Variants in CES4A observed in about 807,000 individuals in gnomAD.
CES4A encodes the protein carboxylesterase 6.
A neutral mutation model predicts 65.4 loss-of-function variants in CES4A; 48 were observed. The ratio of observed to expected loss-of-function variants is 0.73; its 90% CI spans 0.58 to 0.93. CES4A has a LOEUF of 0.93. Among genes scored for constraint, CES4A ranks in the 40% least tolerant of loss-of-function variants. The probability of loss-of-function intolerance (pLI) is 0.00; values close to 1 mark genes in which losing one functional copy is unlikely to be tolerated. For synonymous variants in CES4A, 247 were observed against 281.8 expected (o/e 0.88, Z 1.24); for missense variants, 685 against 728.5 (o/e 0.94, Z 0.69).
rs766654238 is a variant in CES4A at position 67,003,699 on chromosome 16, A to C, written c.939+146A>C. ...GTGGGGAAGGAGAATAAACCCTATAAATAAATATATTATCCACCTCCTTAG... is the reference window on the plus strand; with the variant it reads ...GTGGGGAAGGAGAATAAACCCTATACATAAATATATTATCCACCTCCTTAG... On this transcript the variant is annotated intron_variant, in intron 8 of 13. Transcript: ENST00000648724. The surrounding 1 kb of genome is among the most constrained non-coding windows in gnomAD (Gnocchi z 4.2). 46 of 699,444 alleles carry C rather than the reference A, an allele frequency of 6.6e-5. No individual in the cohort carries two copies. Among genetic ancestry groups the C allele is most frequent in the Non-Finnish European group, 9.9e-5 (39 of 395,154 alleles). The allele number at this position is 699,444 out of a possible 1,614,324, so 43.3% of individuals were successfully genotyped here.
intron 9 of CES4A, among the ~76,000 whole-genome samples, chr16:67,004,485 T>C (rs1406245052): frequency 6.6e-6 from 1 of 152,198 alleles, no homozygotes; most frequent in African/African-American, 2.4e-5. Context: ...AGATGGGTTA[T>C]GATGTTCATT....
rs112939456 is a variant in CES4A at position 66,995,355 on chromosome 16, G to A, written c.59-273G>A. On this transcript the variant is annotated intron_variant, in intron 1 of 13. Coordinates refer to ENST00000648724, the Ensembl canonical transcript of CES4A. ...AATAAATAAATATAAATAAATAAAC[G>A]AAACGTTAAAGGAGAGAAAAAATTC... 6.7e-3 allele frequency among the ~76,000 whole-genome samples: 1,025 copies of A among 151,862 alleles called. 2 individuals are homozygous for A. The highest frequency in any genetic ancestry group is 9.8e-3 in the Non-Finnish European group (663 of 67,932).
chr16:67,008,707 C>T, intron 13 of CES4A: 1 of 383,218 alleles, frequency 2.6e-6, no homozygotes, highest in Non-Finnish European at 4.8e-6. Context: ...GCCACACACA[C>T]ACTCTGTTTT....
chr16:66,997,304 C>T (rs1368943709), intron 2 of CES4A, among the ~76,000 whole-genome samples: 1 of 152,118 alleles, frequency 6.6e-6, no homozygotes, highest in Non-Finnish European at 1.5e-5. Context: ...GTCTGGGCAT[C>T]AGTTGTTAGA....
Position 66,992,769 on chromosome 16 carries a change from G to A in CES4A, c.59-2859G>A, listed in dbSNP as rs539394656. Among the ~76,000 whole-genome samples the A allele has an allele frequency of 3.3e-5, 5 of 152,164 alleles. No homozygotes were observed. In the East Asian group the frequency reaches 7.7e-4, roughly 24 times the overall value. ...CTCTGCTCACCGCAACCTCCTCCTCGCGGGTTCAAGAGATTCTCCTACCTC... is the reference window on the plus strand; with the variant it reads ...CTCTGCTCACCGCAACCTCCTCCTCACGGGTTCAAGAGATTCTCCTACCTC... On this transcript the variant is annotated intron_variant, in intron 1 of 13. Coordinates refer to ENST00000648724, the Ensembl canonical transcript of CES4A.
chr16:67,001,235 AG>A lies in CES4A; in HGVS notation c.537-72del. On this transcript the variant is annotated intron_variant, in intron 4 of 13. Coordinates refer to ENST00000648724, the Ensembl canonical transcript of CES4A. This position sits in a 1 kb window ranked among gnomAD's most constrained non-coding sequence, Gnocchi z 4.1. ...GGGCAAGGCTGGGCTGGGTGGGGGA[AG>A]CCCAGGAGGGCAGCCCAACGCGCCC... is the stretch of plus-strand genomic sequence containing the variant. The A allele has an allele frequency of 6.8e-7, 1 of 1,478,934 alleles. No homozygotes were observed. The highest frequency in any genetic ancestry group is 2.4e-5 in the East Asian group (1 of 41,620). The allele number at this position is 1,478,934 out of a possible 1,614,324, so 91.6% of individuals were successfully genotyped here.
chr16:66,992,898 C>T (rs1964502297), intron 1 of CES4A, among the ~76,000 whole-genome samples: 1 of 152,092 alleles, frequency 6.6e-6, no homozygotes. Context: ...GTTGGCCAGA[C>T]TGGTCTTGAA....
At chr16:66,995,629 T>C (rs1964781169) in exon 2 of CES4A, 1 of 1,613,790 alleles carries the variant, frequency 6.2e-7, no homozygotes, top group African/African-American at 1.3e-5. Flanking sequence ...TCTTCCCAGG[T>C]GCCTTGCACA....
rs573165595 is a variant in CES4A at position 67,000,955 on chromosome 16, T to A, written c.501T>A (p.Phe167Leu). 71 of 1,613,340 alleles carry A rather than the reference T, an allele frequency of 4.4e-5. 2 individuals carry two copies. In the South Asian group the frequency reaches 6.2e-4, roughly 14 times the overall value. The change falls in exon 4 of 14, where the codon TTT becomes TTA. Residue 167 changes from phenylalanine (F) to leucine (L), a missense_variant. Physicochemically the swap from Phe to Leu is conservative, Grantham distance 22 (BLOSUM62 0). Coordinates refer to ENST00000648724, the Ensembl canonical transcript of CES4A. The surrounding 1 kb of genome is among the most constrained non-coding windows in gnomAD (Gnocchi z 4.2). ...CCCGCGAGAAAGTGGTGCTGGTGTT[T>A]CTGCAGCACAGGCTCGGCATCTTCG...
intron 5 of CES4A, among the ~76,000 whole-genome samples, chr16:67,002,573 G>A (rs994801074): frequency 6.6e-6 from 1 of 152,102 alleles, no homozygotes; most frequent in African/African-American, 2.4e-5. Flanking sequence ...AAGGCCCCTG[G>A]GGCTGGGGGA....
chr16:66,997,079 A>G (rs1256876101), intron 2 of CES4A, among the ~76,000 whole-genome samples: 1 of 151,908 alleles, frequency 6.6e-6, no homozygotes, highest in African/African-American at 2.4e-5. Flanking sequence ...AAAAAAATAA[A>G]AGCAGGTTGT....
Position 67,000,495 on chromosome 16 carries a change from G to C in CES4A, c.261-143G>C. 6.9e-7 allele frequency: 1 copy of C among 1,439,104 alleles called. No homozygotes were observed. The highest frequency in any genetic ancestry group is 9.1e-7 in the Non-Finnish European group (1 of 1,097,578). 89.1% of individuals were successfully genotyped at this position (1,439,104 alleles called of 1,614,324 possible). A position where few individuals can be genotyped will look rare whatever the true frequency, so the allele number is the denominator to read the frequency against. ...GCCCCGGGGCTGGCGGAGGCCTCCT[G>C]TACACGCACACGCACGCACATGCGC... On this transcript the variant is annotated intron_variant, in intron 2 of 13. Coordinates refer to ENST00000648724, the Ensembl canonical transcript of CES4A. This position sits in a 1 kb window ranked among gnomAD's most constrained non-coding sequence, Gnocchi z 4.2.
chr16:67,009,347 G>A (rs529090115), exon 14 of CES4A: 2 of 529,664 alleles, frequency 3.8e-6, no homozygotes, highest in Admixed American at 3.6e-5. Context: ...GACATCCCAT[G>A]ATGCCCCTCT....
chr16:67,009,237 T>G, exon 14 of CES4A: 2 of 1,259,254 alleles, frequency 1.6e-6, no homozygotes, highest in South Asian at 1.5e-5. Context: ...ACAAGAGTTC[T>G]ACCCACCCCA....
At chr16:66,992,237 G>A (rs1346129752) in intron 1 of CES4A, among the ~76,000 whole-genome samples, 1 of 152,258 alleles carries the variant, frequency 6.6e-6, no homozygotes, top group Non-Finnish European at 1.5e-5. Context: ...TGCAAAGGCT[G>A]CACAAACGGG....
chr16:67,004,551 G>T (rs917612566), intron 9 of CES4A, among the ~76,000 whole-genome samples: 1 of 152,194 alleles, frequency 6.6e-6, no homozygotes, highest in Admixed American at 6.5e-5. Context: ...CTGGGTCAGG[G>T]TAGATGCCCC....
intron 1 of CES4A, 32 bp from the exon 2 acceptor site, chr16:66,995,596 G>C: frequency 3.1e-6 from 5 of 1,591,362 alleles, no homozygotes; most frequent in Non-Finnish European, 4.3e-6. Context: ...GGGTGACTGA[G>C]CAGAGGTGAC....
At position 67,000,657 on chromosome 16, in the gene CES4A, G is replaced by A. The variant is rs981683017; in HGVS notation, c.280G>A (p.Gly94Ser). 2 of 1,548,986 alleles carry A rather than the reference G, an allele frequency of 1.3e-6. No homozygotes were observed. The highest frequency in any genetic ancestry group is 1.7e-6 in the Non-Finnish European group (2 of 1,146,534). ...CCGCAGGTGCCTGCAGGAGTCCTGG[G>A]GCCAGCTGGCCTCGATGTACGTCAG... Residue 94 changes from glycine (G) to serine (S), a missense_variant, in exon 3 of 14, where the codon GGC becomes AGC. Transcript: ENST00000648724. This position sits in a 1 kb window ranked among gnomAD's most constrained non-coding sequence, Gnocchi z 4.2.
rs993950327 is a variant in CES4A at position 67,000,414 on chromosome 16, G to A, written c.261-224G>A. ...GAGCAGGAATCTCTCCACGGACTGA[G>A]GCGCCGGGCAGGGAGGGGATGGTTC... On this transcript the variant is annotated intron_variant, in intron 2 of 13. Coordinates refer to ENST00000648724, the Ensembl canonical transcript of CES4A. The surrounding 1 kb of genome is among the most constrained non-coding windows in gnomAD (Gnocchi z 4.2). 7 of 1,350,808 alleles carry A rather than the reference G, an allele frequency of 5.2e-6. No homozygotes were observed. The highest frequency in any genetic ancestry group is 5.8e-6 in the Non-Finnish European group (6 of 1,040,644). The allele number at this position is 1,350,808 out of a possible 1,614,324, so 83.7% of individuals were successfully genotyped here.
Sources: allele counts gnomAD v4.1 joint callset (sites outside exome capture counted in the v4.1 genomes callset), GRCh38; gene constraint gnomAD v4.1.1; non-coding constraint Gnocchi (gnomAD v3.1); transcripts MANE v1.5; gene names NCBI Gene and HGNC (gene_info 2026-07-23, HGNC 2026-07-21).